DAZAP2: variants seen among roughly 807,000 people sequenced by gnomAD.
The protein encoded by DAZAP2 is DAZ associated protein 2, also known as DAZ-associated protein 2.
A neutral mutation model predicts 16.2 loss-of-function variants in DAZAP2; 3 were observed. The observed-to-expected ratio is 0.19, with a 90% CI of 0.08 to 0.48. DAZAP2 has a LOEUF of 0.48. Among genes scored for constraint, DAZAP2 ranks in the 20% least tolerant of loss-of-function variants. The pLI is 0.98. For missense variants in DAZAP2, 172 were observed against 215.9 expected (o/e 0.80, Z 1.27); for synonymous variants, 69 against 77.6 (o/e 0.89, Z 0.58).
Position 51,240,340 on chromosome 12 carries a change from C to T in DAZAP2, c.14-3C>T, listed in dbSNP as rs1944651072. The T allele has an allele frequency of 6.2e-7, 1 of 1,612,060 alleles. No homozygotes were observed. Among genetic ancestry groups the T allele is most frequent in the Non-Finnish European group, 8.5e-7 (1 of 1,178,326 alleles). ...CAACCTTCATTTTTTTCTTGTCTTT[C>T]AGGTCAATATCCAACACAGCCAACC... On this transcript the variant is annotated splice_region_variant and splice_polypyrimidine_tract_variant and intron_variant, in intron 1 of 3. Transcript: ENST00000412716.
In DAZAP2 at chr12:51,240,989, G is replaced by A; in HGVS notation, c.251G>A (p.Gly84Asp). 1 of 1,614,078 alleles carries A rather than the reference G, an allele frequency of 6.2e-7. No homozygotes were observed. Among genetic ancestry groups the A allele is most frequent in the East Asian group, 2.2e-5 (1 of 44,880 alleles). The change falls in exon 3 of 4, where the codon GGT becomes GAT. Residue 84 changes from glycine (G) to aspartate (D), a missense_variant. Coordinates refer to ENST00000412716, the MANE Select transcript of DAZAP2 (RefSeq NM_014764.4). ...CAGTCTGTGGCTGTTGGGCCTTTAGGTTCCACAATCCCCATGGCTTATTAT... is the reference window on the plus strand; with the variant it reads ...CAGTCTGTGGCTGTTGGGCCTTTAGATTCCACAATCCCCATGGCTTATTAT... The part of the protein sequence containing the change: ...MAQSVAVGPL[G>D]STIPMAYYPV...
Position 51,242,744 on chromosome 12 carries a change from T to C in DAZAP2, c.*286T>C. The C allele has an allele frequency of 6.9e-7, 1 of 1,441,544 alleles. No individual in the cohort carries two copies. The highest frequency in any genetic ancestry group is 9.1e-7 in the Non-Finnish European group (1 of 1,101,728). 89.3% of individuals were successfully genotyped at this position (1,441,544 alleles called of 1,614,324 possible). A position where few individuals can be genotyped will look rare whatever the true frequency, so the allele number is the denominator to read the frequency against. On this transcript the variant is annotated 3_prime_UTR_variant, in exon 4 of 4. Coordinates refer to ENST00000412716, the MANE Select transcript of DAZAP2 (RefSeq NM_014764.4). Reference sequence around the variant, plus strand: ...TCCTTTAATTTCTCTGGAGTAATACTGTACCATACTGGTCTTTGCTTTTAG... The same window carrying C: ...TCCTTTAATTTCTCTGGAGTAATACCGTACCATACTGGTCTTTGCTTTTAG...
Position 51,243,097 on chromosome 12 carries a change from C to G in DAZAP2, c.*639C>G. 1 of 988,630 alleles carries G rather than the reference C, an allele frequency of 1.0e-6. No individual in the cohort carries two copies. The highest frequency in any genetic ancestry group is 1.2e-6 in the Non-Finnish European group (1 of 832,060). 61.2% of individuals were successfully genotyped at this position (988,630 alleles called of 1,614,324 possible). On this transcript the variant is annotated 3_prime_UTR_variant, in exon 4 of 4. Transcript: ENST00000412716. ...TGTTTCACAAGGATCCTCTGAAACCCTCTCTGTGCCCCAAGTACAGATGCC... is the reference window on the plus strand; with the variant it reads ...TGTTTCACAAGGATCCTCTGAAACCGTCTCTGTGCCCCAAGTACAGATGCC...
intron 1 of DAZAP2, chr12:51,239,155 T>A (rs1446346397): frequency 5.5e-6 from 3 of 546,818 alleles, no homozygotes; most frequent in African/African-American, 2.0e-5. Flanking sequence ...AGCTGCGGGC[T>A]CGGGTGGTGG....
rs753267222 is a variant in DAZAP2, at chr12:51,241,095, G to A, written c.357G>A (p.Gly119=). The A allele has an allele frequency of 6.2e-7, 1 of 1,614,178 alleles. No homozygotes were observed. Among genetic ancestry groups the A allele is most frequent in the Non-Finnish European group, 8.5e-7 (1 of 1,180,038 alleles). Residue 119 remains glycine (G), a synonymous_variant, in exon 3 of 4, where the codon GGG becomes GGA. Transcript: ENST00000412716. ...ATGCAGGTGCCAGATTTGGAGCTGG[G>A]GCTACTGCTGGCAACATTCCTGTGA... ...GYDAGARFGA[G]ATAGNIPPPP...
At chr12:51,239,153 G>A (rs919528338) in intron 1 of DAZAP2, 1 of 575,362 alleles carries the variant, frequency 1.7e-6, no homozygotes, top group Non-Finnish European at 2.9e-6. Context: ...GGAGCTGCGG[G>A]CTCGGGTGGT....
chr12:51,245,104 G>A (rs1259283701), downstream of DAZAP2: 1 of 152,164 alleles, frequency 6.6e-6, no homozygotes, highest in African/African-American at 2.4e-5. Context: ...TGGGATCACA[G>A]GCGTGAGCCA....
At chr12:51,240,699 A>T in intron 2 of DAZAP2, 172 bp from the exon 3 acceptor site, 1 of 951,144 alleles carries the variant, frequency 1.1e-6, no homozygotes, top group Non-Finnish European at 1.5e-6. Flanking sequence ...GCCCAACATT[A>T]GCTATAGCAG....
chr12:51,238,842 C>G lies in DAZAP2; in HGVS notation c.-66C>G. 1 of 1,610,984 alleles carries G rather than the reference C, an allele frequency of 6.2e-7. No individual in the cohort carries two copies. The highest frequency in any genetic ancestry group is 8.5e-7 in the Non-Finnish European group (1 of 1,179,420). ...CCATCATGTGACACGGAAGTAGCTC[C>G]GAACAGGAAGAGGACGAAAAAAATA... On this transcript the variant is annotated 5_prime_UTR_variant, in exon 1 of 4. Coordinates refer to ENST00000412716, the MANE Select transcript of DAZAP2 (RefSeq NM_014764.4).
chr12:51,239,904 G>T (rs79218506), intron 1 of DAZAP2: 8,735 of 172,740 alleles, frequency 0.051, 351 homozygotes, highest in Non-Finnish European at 0.073. Context: ...CCTTTGTTTG[G>T]AAGTCGACCT....
chr12:51,239,021 C>T, intron 1 of DAZAP2, 101 bp downstream of exon 1: 6 of 1,523,572 alleles, frequency 3.9e-6, no homozygotes, highest in Non-Finnish European at 5.3e-6. Flanking sequence ...TTGGGGTGGG[C>T]TGCGCCATGC....
At chr12:51,240,620 T>A in intron 2 of DAZAP2, 159 bp downstream of exon 2, 1 of 850,658 alleles carries the variant, frequency 1.2e-6, no homozygotes, top group Non-Finnish European at 1.8e-6. Flanking sequence ...GAGTTGAAAG[T>A]GCATTATTTG....
In DAZAP2 at chr12:51,240,359, G is replaced by A; in HGVS notation, c.30G>A (p.Gln10=). 1 of 1,613,918 alleles carries A rather than the reference G, an allele frequency of 6.2e-7. No homozygotes were observed. The highest frequency in any genetic ancestry group is 8.5e-7 in the Non-Finnish European group (1 of 1,179,962). MNSKGQYPT[Q]PTYPVQPPGN... is the part of the protein sequence containing the mutation. ...GTCTTTCAGGTCAATATCCAACACA[G>A]CCAACCTACCCTGTGCAGCCTCCTG... is the stretch of plus-strand genomic sequence containing the variant. Residue 10 remains glutamine (Q), a synonymous_variant, in exon 2 of 4, where the codon CAG becomes CAA. Coordinates refer to ENST00000412716, the MANE Select transcript of DAZAP2 (RefSeq NM_014764.4).
chr12:51,239,044 TGCAGTCCAG>T, intron 1 of DAZAP2, 124 bp downstream of exon 1: 1 of 1,413,314 alleles, frequency 7.1e-7, no homozygotes, highest in South Asian at 1.3e-5. Flanking sequence ...CTTGGCCGGC[TGCAGTCCAG>T]GGCGCTGCGC....
At chr12:51,245,724 T>C (rs1944759051), downstream of DAZAP2, 2 of 520,076 alleles carry the variant, frequency 3.8e-6, no homozygotes, top group African/African-American at 1.9e-5. Flanking sequence ...CCAGCTCTAG[T>C]AAGAGGGCCT....
In DAZAP2 at chr12:51,243,673, G is replaced by A. The variant is rs557601567; in HGVS notation, c.*1215G>A. On this transcript the variant is annotated 3_prime_UTR_variant, in exon 4 of 4. Transcript: ENST00000412716. ...CCATTGACTGTTATGGAAGTTCAGC[G>A]TTGTATGTCTCTCTCTACACTGTGG... is the stretch of plus-strand genomic sequence containing the variant. The A allele has an allele frequency of 6.8e-5, 67 of 985,750 alleles. No individual in the cohort carries two copies. The highest frequency in any genetic ancestry group is 3.4e-4 in the East Asian group (3 of 8,814). 61.1% of individuals were successfully genotyped at this position (985,750 alleles called of 1,614,324 possible). A position where few individuals can be genotyped will look rare whatever the true frequency, so the allele number is the denominator to read the frequency against.
downstream of DAZAP2, chr12:51,245,729 G>C: frequency 1.9e-6 from 1 of 528,222 alleles, no homozygotes; most frequent in Non-Finnish European, 3.4e-6. Context: ...TCTAGTAAGA[G>C]GGCCTGGTTA....
At chr12:51,242,118 T>C (rs955666964) in intron 3 of DAZAP2, among the ~76,000 whole-genome samples, 3 of 152,054 alleles carry the variant, frequency 2.0e-5, no homozygotes, top group African/African-American at 7.2e-5. Flanking sequence ...CTGGAACCCT[T>C]TGAATGAGTG....
downstream of DAZAP2, chr12:51,244,644 A>T (rs1944740378): frequency 6.6e-6 from 1 of 152,008 alleles, no homozygotes; most frequent in South Asian, 2.1e-4. Flanking sequence ...TGCCTTTTAA[A>T]CACAACTTAT....
Sources: gnomAD v4.1 joint callset for allele counts (sites outside exome capture counted in the v4.1 genomes callset) on GRCh38, gnomAD v4.1.1 for gene constraint, MANE v1.5 for transcripts, NCBI Gene and HGNC (gene_info 2026-07-23, HGNC 2026-07-21) for gene names.